INSYN2B: variants seen among roughly 807,000 people sequenced by gnomAD.
INSYN2B encodes the protein protein INSYN2B.
A neutral mutation model predicts 41.2 loss-of-function variants in INSYN2B; 16 were observed. That is an observed-to-expected ratio of 0.39 (90% CI 0.26 to 0.59). INSYN2B has a LOEUF of 0.59. Among genes scored for constraint, INSYN2B ranks in the 20% least tolerant of loss-of-function variants. INSYN2B has a pLI of 0.57. For missense variants in INSYN2B, 608 were observed against 646.4 expected, an observed-to-expected ratio of 0.94 and a Z score of 0.64; for synonymous variants, 245 against 244.4, an observed-to-expected ratio of 1.00 and a Z score of -0.02.
intron 1 of INSYN2B, among the ~76,000 whole-genome samples, chr5:169,904,075 G>C (rs1774127884): frequency 7.3e-6 from 1 of 136,262 alleles, no homozygotes; most frequent in Non-Finnish European, 1.5e-5. Flanking sequence ...CTGGGCAACA[G>C]AGCAAGACTT....
intron 1 of INSYN2B, among the ~76,000 whole-genome samples, chr5:169,920,439 A>G (rs1775112565): frequency 6.6e-6 from 1 of 152,166 alleles, no homozygotes; most frequent in Non-Finnish European, 1.5e-5. Flanking sequence ...GATTTGGCAA[A>G]GTTTGTAAGG....
intron 1 of INSYN2B, among the ~76,000 whole-genome samples, chr5:169,913,650 A>G (rs1232133199): frequency 6.6e-6 from 1 of 152,200 alleles, no homozygotes; most frequent in African/African-American, 2.4e-5. Context: ...GCAGCTTATG[A>G]GCAGAGCTAT....
At chr5:169,938,453 G>A (rs1275143904) in intron 1 of INSYN2B, among the ~76,000 whole-genome samples, 2 of 152,190 alleles carry the variant, frequency 1.3e-5, no homozygotes, top group African/African-American at 4.8e-5. Context: ...AACCTGTATA[G>A]CATGTTACTC....
At chr5:169,925,615 TG>T (rs1775405424) in intron 1 of INSYN2B, among the ~76,000 whole-genome samples, 1 of 139,430 alleles carries the variant, frequency 7.2e-6, no homozygotes, top group African/African-American at 2.7e-5. Flanking sequence ...AGCATTGTCC[TG>T]GGGTGTAATC....
intron 1 of INSYN2B, among the ~76,000 whole-genome samples, chr5:169,933,473 G>A (rs777325052): frequency 6.6e-6 from 1 of 152,242 alleles, no homozygotes; most frequent in Non-Finnish European, 1.5e-5. Flanking sequence ...ATTATCCTGA[G>A]CATCAAGAGT....
chr5:169,925,996 C>T (rs548313555), intron 1 of INSYN2B, among the ~76,000 whole-genome samples: 7 of 152,312 alleles, frequency 4.6e-5, no homozygotes, highest in Admixed American at 1.3e-4. Context: ...GAGCTCGCAA[C>T]ACACCCCTCA....
chr5:169,934,877 A>G, intron 1 of INSYN2B: 1 of 364,194 alleles, frequency 2.7e-6, no homozygotes, highest in Non-Finnish European at 5.5e-6. Context: ...AACAACTTTA[A>G]CCACCTTACA....
chr5:169,949,173 A>G (rs1356366033), intron 1 of INSYN2B, among the ~76,000 whole-genome samples: 1 of 152,228 alleles, frequency 6.6e-6, no homozygotes, highest in Non-Finnish European at 1.5e-5. Context: ...TCCATTTATG[A>G]ATCAGTTTCC....
chr5:169,893,183 A>G (rs985784119), intron 1 of INSYN2B, among the ~76,000 whole-genome samples: 2 of 152,204 alleles, frequency 1.3e-5, no homozygotes, highest in South Asian at 4.1e-4. Flanking sequence ...GCCTCAGGGC[A>G]CCTGCCCTGT....
chr5:169,894,982 C>G (rs979447768), intron 1 of INSYN2B, among the ~76,000 whole-genome samples: 1 of 152,188 alleles, frequency 6.6e-6, no homozygotes, highest in African/African-American at 2.4e-5. Flanking sequence ...GGGCCAAGAA[C>G]ATCTCTGTGG....
intron 3 of INSYN2B, among the ~76,000 whole-genome samples, chr5:169,881,106 C>G (rs1231453290): frequency 2.0e-5 from 3 of 152,116 alleles, no homozygotes; most frequent in Admixed American, 2.0e-4. Context: ...GAATGAGATG[C>G]AAATGTGCAT....
intron 1 of INSYN2B, among the ~76,000 whole-genome samples, chr5:169,911,421 C>G (rs1774592228): frequency 6.6e-6 from 1 of 152,144 alleles, no homozygotes; most frequent in Admixed American, 6.5e-5. Context: ...TAGAGCTGTT[C>G]CCACTACACT....
At chr5:169,894,887 C>T (rs115861024) in intron 1 of INSYN2B, among the ~76,000 whole-genome samples, 1,760 of 152,288 alleles carry the variant, frequency 0.012, 36 homozygotes, top group African/African-American at 0.036. Flanking sequence ...GTAATAAAAA[C>T]GAAACTCAAG....
intron 1 of INSYN2B, among the ~76,000 whole-genome samples, chr5:169,960,474 A>G (rs1777038589): frequency 6.6e-6 from 1 of 152,246 alleles, no homozygotes; most frequent in South Asian, 2.1e-4. Context: ...GTAGGCTCAA[A>G]TCTCATATAC....
At chr5:169,968,959 G>A (rs1332134655) in intron 1 of INSYN2B, among the ~76,000 whole-genome samples, 1 of 152,110 alleles carries the variant, frequency 6.6e-6, no homozygotes, top group African/African-American at 2.4e-5. Flanking sequence ...GACTACCCTG[G>A]ATAACATGGT....
intron 1 of INSYN2B, among the ~76,000 whole-genome samples, chr5:169,924,670 T>A (rs1160379288): frequency 6.6e-6 from 1 of 152,150 alleles, no homozygotes; most frequent in Non-Finnish European, 1.5e-5. Flanking sequence ...AAATGGAGAT[T>A]CCCCTCTGCC....
At chr5:169,950,348 C>T (rs1396432603) in intron 1 of INSYN2B, among the ~76,000 whole-genome samples, 1 of 152,218 alleles carries the variant, frequency 6.6e-6, no homozygotes, top group Non-Finnish European at 1.5e-5. Context: ...ATGCAAAGCG[C>T]TTAGTGTCTA....
intron 1 of INSYN2B, among the ~76,000 whole-genome samples, chr5:169,912,126 C>G (rs1248606050): frequency 6.6e-6 from 1 of 152,120 alleles, no homozygotes; most frequent in African/African-American, 2.4e-5. Context: ...ACAAGGGACC[C>G]TGGGTATAAA....
At chr5:169,952,033 A>C (rs1004760260) in intron 1 of INSYN2B, among the ~76,000 whole-genome samples, 2 of 152,206 alleles carry the variant, frequency 1.3e-5, no homozygotes, top group Non-Finnish European at 1.5e-5. Context: ...TATTCTCACA[A>C]CATGTGAAAG....
Sources: allele counts gnomAD v4.1 joint callset (sites outside exome capture counted in the v4.1 genomes callset), GRCh38; gene constraint gnomAD v4.1.1; transcripts MANE v1.5; gene names NCBI Gene and HGNC (gene_info 2026-07-23, HGNC 2026-07-21).